Variants in WDR33 observed in about 807,000 individuals in gnomAD.
WDR33 encodes WD repeat domain 33.
Under a neutral mutation model 164.9 loss-of-function variants are expected in WDR33, and 47 were observed. The ratio of observed to expected loss-of-function variants is 0.29; its 90% CI spans 0.23 to 0.36. WDR33 has a LOEUF of 0.36. Ranked by LOEUF, WDR33 falls within the 10% of genes least tolerant of loss-of-function variation. WDR33 has a pLI of 1.00. For missense variants in WDR33, 1,137 were observed against 1,754.1 expected (o/e 0.65, Z 6.28); for synonymous variants, 505 against 589.0 (o/e 0.86, Z 2.06).
rs1191138585 is a variant in WDR33 at position 127,765,199 on chromosome 2, G to A, written c.449C>T (p.Thr150Ile). Residue 150 changes from threonine to isoleucine, a missense_variant, in exon 5 of 22, where the codon ACT becomes ATT. Transcript: ENST00000322313. ...CTGTAATATTGTTTCAAAATTGAAAGTGAGTCCATTCCACAGGGTAAACTC... is the reference window on the plus strand; with the variant it reads ...CTGTAATATTGTTTCAAAATTGAAAATGAGTCCATTCCACAGGGTAAACTC... ...SGEFTLWNGL[T>I]FNFETILQAH... 1 of 1,614,072 alleles carries A rather than the reference G, an allele frequency of 6.2e-7. No homozygotes were observed. Among genetic ancestry groups the A allele is most frequent in the Non-Finnish European group, 8.5e-7 (1 of 1,179,996 alleles).
At chr2:127,760,038 T>C (rs184771300) in intron 7 of WDR33, among the ~76,000 whole-genome samples, 2 of 152,346 alleles carry the variant, frequency 1.3e-5, no homozygotes, top group East Asian at 3.9e-4. Context: ...GACTTAATTT[T>C]TGGTATTCCC....
intron 1 of WDR33, chr2:127,799,025 G>T (rs1034122171): frequency 6.6e-6 from 1 of 151,564 alleles, no homozygotes; most frequent in African/African-American, 2.4e-5. Context: ...CTAACCACAA[G>T]GTCAAACTCA....
intron 7 of WDR33, among the ~76,000 whole-genome samples, chr2:127,729,109 T>G (rs1468116968): frequency 6.6e-6 from 1 of 152,262 alleles, no homozygotes; most frequent in Non-Finnish European, 1.5e-5. Flanking sequence ...TCCTGATTCT[T>G]GGATGTAATT....
At chr2:127,808,854 T>TC (rs1397681657) in intron 1 of WDR33, among the ~76,000 whole-genome samples, 2 of 151,712 alleles carry the variant, frequency 1.3e-5, no homozygotes, top group African/African-American at 4.8e-5. Context: ...CACGGTGAAA[T>TC]CCCGTCTCTA....
rs571124510 is a variant in WDR33, at chr2:127,741,773, C to A, written c.725-14996G>T. Among the ~76,000 whole-genome samples the A allele has an allele frequency of 1.8e-4, 28 of 152,212 alleles. No individual in the cohort carries two copies. Among genetic ancestry groups the A allele is most frequent in the African/African-American group, 6.3e-4 (26 of 41,524 alleles). On this transcript the variant is annotated intron_variant, in intron 7 of 21. Transcript: ENST00000322313. This position sits in a 1 kb window ranked among gnomAD's most constrained non-coding sequence, Gnocchi z 4.1. Reference sequence around the variant, plus strand: ...CAAACCAGACATCCACACAAACACCCCAATTACTATGTTAAAGGTTTTAAG... The same window carrying A: ...CAAACCAGACATCCACACAAACACCACAATTACTATGTTAAAGGTTTTAAG...
rs1687006802 is a variant in WDR33 at position 127,741,286 on chromosome 2, G to C, written c.725-14509C>G. On this transcript the variant is annotated intron_variant, in intron 7 of 21. Coordinates refer to ENST00000322313, the MANE Select transcript of WDR33 (RefSeq NM_018383.5). The surrounding 1 kb of genome is among the most constrained non-coding windows in gnomAD (Gnocchi z 4.1). ...CCACGGATGACACTGAAAATGGAAA[G>C]AAGTGGAGGGCAAAGAGAGAATGGG... 6.6e-6 allele frequency among the ~76,000 whole-genome samples: 1 copy of C among 152,216 alleles called. No homozygotes were observed. The highest frequency in any genetic ancestry group is 1.5e-5 in the Non-Finnish European group (1 of 68,040).
intron 1 of WDR33, among the ~76,000 whole-genome samples, chr2:127,781,053 G>A (rs948949156): frequency 7.2e-5 from 11 of 151,884 alleles, no homozygotes; most frequent in Non-Finnish European, 1.5e-4. Flanking sequence ...TAATAGAGAC[G>A]GGATTTCACC....
intron 7 of WDR33, among the ~76,000 whole-genome samples, chr2:127,751,746 C>A (rs760423534): frequency 6.6e-6 from 1 of 152,126 alleles, no homozygotes; most frequent in Non-Finnish European, 1.5e-5. Context: ...GAGTGCTGTA[C>A]TATACGACCT....
At chr2:127,806,698 A>G (rs544356001) in intron 1 of WDR33, among the ~76,000 whole-genome samples, 1 of 152,120 alleles carries the variant, frequency 6.6e-6, no homozygotes, top group East Asian at 1.9e-4. Flanking sequence ...CTCATTCGAA[A>G]AAAAAAAAAA....
chr2:127,787,480 C>A (rs1464806936), intron 1 of WDR33, among the ~76,000 whole-genome samples: 16 of 134,696 alleles, frequency 1.2e-4, no homozygotes, highest in African/African-American at 2.8e-4. Context: ...GCTGGCCGGG[C>A]GGGGGGCTGA....
At chr2:127,765,299 T>A (rs1333798396) in intron 4 of WDR33, 30 bp from the exon 5 acceptor site, 1 of 1,513,928 alleles carries the variant, frequency 6.6e-7, no homozygotes, top group African/African-American at 1.4e-5. Flanking sequence ...AGGTTATACA[T>A]CCTCCAACTT....
At chr2:127,733,146 T>C (rs546185702) in intron 7 of WDR33, among the ~76,000 whole-genome samples, 28 of 152,308 alleles carry the variant, frequency 1.8e-4, no homozygotes, top group African/African-American at 6.5e-4. Flanking sequence ...TTCTTGCTGA[T>C]GAAAGACCAG....
chr2:127,799,652 G>A (rs761145154), intron 1 of WDR33, among the ~76,000 whole-genome samples: 15 of 152,036 alleles, frequency 9.9e-5, no homozygotes, highest in African/African-American at 1.4e-4. Context: ...AAAATTAGCC[G>A]GACATGGTGG....
In WDR33 at chr2:127,702,038, G is replaced by C. The variant is rs1191359927; in HGVS notation, c.*4285C>G. ...GCCTTCGCAGCACGCTGCTCACGGTGCTGGGCGCGGGCGCGCAGGTGGCCG... is the reference window on the plus strand; with the variant it reads ...GCCTTCGCAGCACGCTGCTCACGGTCCTGGGCGCGGGCGCGCAGGTGGCCG... On this transcript the variant is annotated 3_prime_UTR_variant, in exon 22 of 22. Coordinates refer to ENST00000322313, the MANE Select transcript of WDR33 (RefSeq NM_018383.5). 3.4e-5 allele frequency: 42 copies of C among 1,241,630 alleles called. No homozygotes were observed. The highest frequency in any genetic ancestry group is 2.0e-5 in the Non-Finnish European group (20 of 994,680). 76.9% of individuals were successfully genotyped at this position (1,241,630 alleles called of 1,614,324 possible). A position where few individuals can be genotyped will look rare whatever the true frequency, so the allele number is the denominator to read the frequency against.
intron 7 of WDR33, among the ~76,000 whole-genome samples, chr2:127,747,807 A>G (rs1044186632): frequency 3.3e-5 from 5 of 152,214 alleles, no homozygotes; most frequent in Non-Finnish European, 4.4e-5. Flanking sequence ...CTGGATTTCA[A>G]TATGTTCAAG....
At position 127,710,414 on chromosome 2, in the gene WDR33, G is replaced by A. The variant is rs1016171546; in HGVS notation, c.3309-558C>T. Among the ~76,000 whole-genome samples, 1 of 152,202 alleles carries A rather than the reference G, an allele frequency of 6.6e-6. No individual in the cohort carries two copies. The highest frequency in any genetic ancestry group is 2.4e-5 in the African/African-American group (1 of 41,458). On this transcript the variant is annotated intron_variant, in intron 18 of 21. Transcript: ENST00000322313. This position sits in a 1 kb window ranked among gnomAD's most constrained non-coding sequence, Gnocchi z 4.4. The stretch of plus-strand genomic sequence containing the variant: ...CATACTGGACCTGTCTGTAGGTAGG[G>A]GCTCTGCCATCTGCCCCAGCCCACA...
chr2:127,730,291 G>T (rs1686670822), intron 7 of WDR33, among the ~76,000 whole-genome samples: 1 of 152,100 alleles, frequency 6.6e-6, no homozygotes, highest in Non-Finnish European at 1.5e-5. Context: ...AGCTGGAATA[G>T]AAGAAAATTG....
rs1686930881 is a variant in WDR33, at chr2:127,738,817, C to T, written c.725-12040G>A. ...GCACACTGCCTATGGGTTAGTCCTG[C>T]CCCGCAAGCAGTCACTCTGTAAATA... On this transcript the variant is annotated intron_variant, in intron 7 of 21. Coordinates refer to ENST00000322313, the MANE Select transcript of WDR33 (RefSeq NM_018383.5). The surrounding 1 kb of genome is among the most constrained non-coding windows in gnomAD (Gnocchi z 4.4). Among the ~76,000 whole-genome samples, 3 of 152,118 alleles carry T rather than the reference C, an allele frequency of 2.0e-5. No homozygotes were observed. The highest frequency in any genetic ancestry group is 7.2e-5 in the African/African-American group (3 of 41,418).
chr2:127,793,634 G>A (rs1688919292), intron 1 of WDR33, among the ~76,000 whole-genome samples: 1 of 152,082 alleles, frequency 6.6e-6, no homozygotes, highest in Non-Finnish European at 1.5e-5. Context: ...CTAGCTACTT[G>A]GAAGGCTGAG....
Sources: allele counts gnomAD v4.1 joint callset (sites outside exome capture counted in the v4.1 genomes callset), GRCh38; gene constraint gnomAD v4.1.1; non-coding constraint Gnocchi (gnomAD v3.1); transcripts MANE v1.5; gene names NCBI Gene and HGNC (gene_info 2026-07-23, HGNC 2026-07-21).